RMND5B: variants seen among roughly 807,000 people sequenced by gnomAD.
The protein encoded by RMND5B is E3 ubiquitin-protein transferase RMND5B.
RMND5B carries 42 observed loss-of-function variants against 50.4 expected under a neutral mutation model. The observed-to-expected ratio is 0.83, with a 90% CI of 0.65 to 1.08. The LOEUF is 1.08. Among genes scored for constraint, RMND5B ranks in the 50% least tolerant of loss-of-function variants. The probability of loss-of-function intolerance (pLI) is 0.00; values close to 1 mark genes in which losing one functional copy is unlikely to be tolerated. For synonymous variants in RMND5B, 220 were observed against 210.0 expected (o/e 1.05, Z -0.41); for missense variants, 463 against 508.5 (o/e 0.91, Z 0.86).
intron 7 of RMND5B, among the ~76,000 whole-genome samples, chr5:178,145,153 G>A (rs952409780): frequency 1.3e-5 from 2 of 151,920 alleles, no homozygotes; most frequent in Non-Finnish European, 1.5e-5. Flanking sequence ...AGGTTCAAGC[G>A]ATTCTCCTGC....
Position 178,147,559 on chromosome 5 carries a change from CTG to C in RMND5B, c.891_892del (p.Leu298AspfsTer8). 6.2e-7 allele frequency: 1 copy of C among 1,614,128 alleles called. No individual in the cohort carries two copies. The highest frequency in any genetic ancestry group is 8.5e-7 in the Non-Finnish European group (1 of 1,180,018). On this transcript the variant is annotated frameshift_variant, in exon 9 of 11. Coordinates refer to ENST00000313386, the MANE Select transcript of RMND5B (RefSeq NM_022762.5). LOFTEE classifies it high-confidence loss of function. ...TTTGCCTCTGGCTGTGTGGCGCTGC[CTG>C]TGTTGATGAACATCAAGGCTGTGAT...
chr5:178,132,532 A>T (rs1758371054), intron 2 of RMND5B, among the ~76,000 whole-genome samples: 1 of 151,878 alleles, frequency 6.6e-6, no homozygotes, highest in Non-Finnish European at 1.5e-5. Context: ...CACAAAGGAG[A>T]AAAGGCCCTG....
chr5:178,147,634 C>A lies in RMND5B; in HGVS notation c.962C>A (p.Pro321Gln). ...TGVWNHKDEL[P>Q]IEIELGMKCW... ...GTCTGGAATCACAAGGACGAGTTAC[C>A]GGTGAGGCCTGGTCTGGGGAATCGT... The change falls in exon 9 of 11, where the codon CCG becomes CAG. Residue 321 changes from proline (P) to glutamine (Q), a missense_variant and splice_region_variant. Coordinates refer to ENST00000313386, the MANE Select transcript of RMND5B (RefSeq NM_022762.5). 1 of 1,614,032 alleles carries A rather than the reference C, an allele frequency of 6.2e-7. No homozygotes were observed. The highest frequency in any genetic ancestry group is 1.3e-5 in the African/African-American group (1 of 75,020).
intron 7 of RMND5B, among the ~76,000 whole-genome samples, chr5:178,145,717 TG>T (rs1015489506): frequency 5.3e-5 from 8 of 152,160 alleles, no homozygotes; most frequent in African/African-American, 1.9e-4. Flanking sequence ...AAAACATGAC[TG>T]AAGTTTTAGC....
At chr5:178,146,893 G>A (rs1756038687) in intron 8 of RMND5B, 1 of 157,202 alleles carries the variant, frequency 6.4e-6, no homozygotes, top group African/African-American at 2.4e-5. Context: ...ACTGTTGATG[G>A]TGTCTGAGTA....
intron 8 of RMND5B, 108 bp downstream of exon 8, chr5:178,146,387 C>A: frequency 9.8e-7 from 1 of 1,016,926 alleles, no homozygotes; most frequent in South Asian, 1.6e-5. Flanking sequence ...CTTTCAGAGA[C>A]CGAAACTGGC....
At position 178,144,121 on chromosome 5, in the gene RMND5B, G is replaced by C. The variant is rs754666378; in HGVS notation, c.694+13G>C. On this transcript the variant is annotated intron_variant, in intron 7 of 10. Coordinates refer to ENST00000313386, the MANE Select transcript of RMND5B (RefSeq NM_022762.5). Reference sequence around the variant, plus strand: ...CTGCACCAGCGGGGTGAGTGCCCAGGCAGCTGGGGTTGTGCTGCCTGGCCT... The same window carrying C: ...CTGCACCAGCGGGGTGAGTGCCCAGCCAGCTGGGGTTGTGCTGCCTGGCCT... 6.2e-7 allele frequency: 1 copy of C among 1,610,776 alleles called. No individual in the cohort carries two copies. Among genetic ancestry groups the C allele is most frequent in the Admixed American group, 1.7e-5 (1 of 59,944 alleles).
intron 2 of RMND5B, among the ~76,000 whole-genome samples, chr5:178,131,719 C>CTT (rs920616484): frequency 6.6e-6 from 1 of 152,056 alleles, no homozygotes; most frequent in African/African-American, 2.4e-5. Context: ...AGGAGGCAGG[C>CTT]TTAGGAAGAT....
At position 178,150,248 on chromosome 5, in the gene RMND5B, T is replaced by C. The variant is rs767455285; in HGVS notation, c.*2216T>C. 2.3e-5 allele frequency: 5 copies of C among 218,406 alleles called. No individual in the cohort carries two copies. The highest frequency in any genetic ancestry group is 5.2e-5 in the Admixed American group (1 of 19,052). The allele number at this position is 218,406 out of a possible 1,614,324, so 13.5% of individuals were successfully genotyped here. ...AGCTCTTTCACATACATCTATCTCT[T>C]TATTCTCATAGTCCACAGATAACTG... On this transcript the variant is annotated 3_prime_UTR_variant, in exon 11 of 11. Transcript: ENST00000313386.
rs752675761 is a variant in RMND5B, at chr5:178,142,653, T to TA, written c.211dup (p.Thr71AsnfsTer10). ...CACAGTGCTGCCGGAAGATCAAAGATACGGTGCAGAAACTGGCTTCGGACC... is the reference window on the plus strand; with the variant it reads ...CACAGTGCTGCCGGAAGATCAAAGATAACGGTGCAGAAACTGGCTTCGGACC... On this transcript the variant is annotated frameshift_variant, in exon 4 of 11. Transcript: ENST00000313386. LOFTEE classifies it high-confidence loss of function. 1.9e-6 allele frequency: 3 copies of TA among 1,614,184 alleles called. No individual in the cohort carries two copies. Among genetic ancestry groups the TA allele is most frequent in the Admixed American group, 3.3e-5 (2 of 60,022 alleles).
At chr5:178,140,531 T>G (rs972907168) in intron 3 of RMND5B, among the ~76,000 whole-genome samples, 3 of 152,054 alleles carry the variant, frequency 2.0e-5, no homozygotes, top group African/African-American at 7.2e-5. Context: ...CACTGTAAAC[T>G]TCCTAATTTT....
At position 178,147,765 on chromosome 5, in the gene RMND5B, T is replaced by G; in HGVS notation, c.1000T>G (p.Ser334Ala). 1 of 1,614,150 alleles carries G rather than the reference T, an allele frequency of 6.2e-7. No homozygotes were observed. Among genetic ancestry groups the G allele is most frequent in the Non-Finnish European group, 8.5e-7 (1 of 1,180,034 alleles). The change falls in exon 10 of 11, where the codon TCC (serine) becomes GCC (alanine). Residue 334 changes from serine (S) to alanine (A), a missense_variant. Coordinates refer to ENST00000313386, the MANE Select transcript of RMND5B (RefSeq NM_022762.5). ...ACTAGGCATGAAGTGCTGGTACCAC[T>G]CCGTGTTCGCTTGCCCCATCCTCCG... is the stretch of plus-strand genomic sequence containing the variant. The part of the protein sequence containing the change: ...IELGMKCWYH[S>A]VFACPILRQQ...
chr5:178,147,593 G>A lies in RMND5B; in HGVS notation c.921G>A (p.Gln307=). ...TGAACATCAAGGCTGTGATTGAGCA[G>A]CGGCAGTGCACTGGGGTCTGGAATC... The part of the protein sequence containing the change: ...VLMNIKAVIE[Q]RQCTGVWNHK... The change falls in exon 9 of 11, where the codon CAG becomes CAA. Residue 307 remains glutamine (Q), a synonymous_variant. Transcript: ENST00000313386. The A allele has an allele frequency of 6.2e-7, 1 of 1,614,154 alleles. No individual in the cohort carries two copies.
rs1758998803 is a variant in RMND5B, at chr5:178,142,568, C to G, written c.140-15C>G. 1 of 1,600,768 alleles carries G rather than the reference C, an allele frequency of 6.2e-7. No individual in the cohort carries two copies. The highest frequency in any genetic ancestry group is 1.3e-5 in the African/African-American group (1 of 74,842). Reference sequence around the variant, plus strand: ...AGTCTGCCTCCTCTGTGTCCTTATTCCACTTTCTCTGCAGCCCTCCAGGGG... The same window carrying G: ...AGTCTGCCTCCTCTGTGTCCTTATTGCACTTTCTCTGCAGCCCTCCAGGGG... On this transcript the variant is annotated splice_polypyrimidine_tract_variant and intron_variant, in intron 3 of 10. Transcript: ENST00000313386.
rs1017943297 is a variant in RMND5B, at chr5:178,144,073, G to C, written c.659G>C (p.Arg220Pro). The C allele has an allele frequency of 5.0e-6, 8 of 1,614,144 alleles. No homozygotes were observed. The Admixed American group carries it at 6.7e-5, about 13-fold the overall frequency. Residue 220 changes from arginine (R) to proline (P), a missense_variant, in exon 7 of 11, where the codon CGG (arginine) becomes CCG (proline). Physicochemically the swap from Arg to Pro is moderately radical, Grantham distance 103 (BLOSUM62 -2). Transcript: ENST00000313386. ...CAGCTGGAGGCCCTCAGCTATGCTC[G>C]GCACTTCCAGCCCTTTGCTCGGCTG... The part of the protein sequence containing the change: ...AKQLEALSYA[R>P]HFQPFARLHQ...
At chr5:178,145,780 G>A (rs1581128726) in intron 7 of RMND5B, among the ~76,000 whole-genome samples, 1 of 152,214 alleles carries the variant, frequency 6.6e-6, no homozygotes, top group East Asian at 1.9e-4. Context: ...TCTAAATGGA[G>A]ATTAGTGTGG....
chr5:178,132,743 T>TA (rs371616349), intron 2 of RMND5B, among the ~76,000 whole-genome samples: 106,962 of 137,520 alleles, frequency 0.78, 42,202 homozygotes, highest in Middle Eastern at 0.85. Flanking sequence ...CTCTCTTTTT[T>TA]TTTTTTTTTT....
At position 178,146,187 on chromosome 5, in the gene RMND5B, G is replaced by A. The variant is rs1755994342; in HGVS notation, c.768G>A (p.Leu256=). The part of the protein sequence containing the change: ...GLEKSPYCHL[L]DSSHWAEICE... ...AGAAGTCACCCTACTGCCACCTGCTGGACAGCAGCCACTGGGCAGAGATCT... is the reference window on the plus strand; with the variant it reads ...AGAAGTCACCCTACTGCCACCTGCTAGACAGCAGCCACTGGGCAGAGATCT... The change falls in exon 8 of 11, where the codon CTG becomes CTA. Residue 256 remains leucine (L), a synonymous_variant. Coordinates refer to ENST00000313386, the MANE Select transcript of RMND5B (RefSeq NM_022762.5). The A allele has an allele frequency of 6.2e-7, 1 of 1,614,008 alleles. No homozygotes were observed. The highest frequency in any genetic ancestry group is 1.7e-5 in the Admixed American group (1 of 60,006).
In RMND5B at chr5:178,147,693, G is replaced by A. The variant is rs779892040; in HGVS notation, c.964-36G>A. 21 of 1,613,968 alleles carry A rather than the reference G, an allele frequency of 1.3e-5. No homozygotes were observed. The East Asian group carries it at 1.3e-4, about 10-fold the overall frequency. ...GGTACTGGGGAGGACAGCCATGACA[G>A]GAAGTGGAACTCACCCGCTTCGCTG... On this transcript the variant is annotated intron_variant, in intron 9 of 10. Coordinates refer to ENST00000313386, the MANE Select transcript of RMND5B (RefSeq NM_022762.5).
Sources: gnomAD v4.1 joint callset for allele counts (sites outside exome capture counted in the v4.1 genomes callset) on GRCh38, gnomAD v4.1.1 for gene constraint, MANE v1.5 for transcripts, NCBI Gene and HGNC (gene_info 2026-07-23, HGNC 2026-07-21) for gene names.